The following MYL1 variants were observed in gnomAD, a reference collection of about 807,000 sequenced individuals.
MYL1 encodes myosin light chain 1.
MYL1 carries 16 observed loss-of-function variants against 21.8 expected under a neutral mutation model. The ratio of observed to expected loss-of-function variants is 0.74; its 90% CI spans 0.50 to 1.12. MYL1 has a LOEUF of 1.12. Ranked by LOEUF, MYL1 falls within the 50% of genes most tolerant of loss-of-function variation. The pLI is 0.00. For synonymous variants in MYL1, 99 were observed against 85.2 expected, an observed-to-expected ratio of 1.16 and a Z score of -0.89; for missense variants, 246 against 241.0, an observed-to-expected ratio of 1.02 and a Z score of -0.14.
At chr2:210,301,517 CTAATA>C (rs997062958) in intron 2 of MYL1, among the ~76,000 whole-genome samples, 4 of 151,910 alleles carry the variant, frequency 2.6e-5, no homozygotes, top group Non-Finnish European at 5.9e-5. Context: ...ATTTTCATAT[CTAATA>C]TATGTAATAT....
chr2:210,296,407 T>C (rs930452099), intron 3 of MYL1, among the ~76,000 whole-genome samples: 6 of 152,208 alleles, frequency 3.9e-5, no homozygotes, highest in Non-Finnish European at 7.3e-5. Flanking sequence ...TAATTTTGTA[T>C]TCATTTACTG....
chr2:210,314,563 G>A (rs1690461195), intron 1 of MYL1, among the ~76,000 whole-genome samples: 1 of 152,174 alleles, frequency 6.6e-6, no homozygotes, highest in African/African-American at 2.4e-5. Context: ...CTGGTTTCCA[G>A]AGAGATTTTA....
intron 3 of MYL1, 98 bp downstream of exon 3, chr2:210,298,322 T>C (rs1256130815): frequency 1.1e-5 from 14 of 1,279,438 alleles, no homozygotes; most frequent in East Asian, 8.1e-5. Flanking sequence ...ACACACATAC[T>C]ACACACACAC....
At chr2:210,300,064 T>C (rs973864047) in intron 2 of MYL1, among the ~76,000 whole-genome samples, 1 of 152,140 alleles carries the variant, frequency 6.6e-6, no homozygotes, top group Non-Finnish European at 1.5e-5. Context: ...AAAAACTTGC[T>C]GCAGGCACTG....
At chr2:210,304,390 C>T (rs1194249646) in intron 1 of MYL1, among the ~76,000 whole-genome samples, 2 of 151,946 alleles carry the variant, frequency 1.3e-5, no homozygotes, top group African/African-American at 2.4e-5. Flanking sequence ...TACTCTCATC[C>T]TATACATTTT....
chr2:210,306,263 C>G (rs113834063), intron 1 of MYL1, among the ~76,000 whole-genome samples: 364 of 151,632 alleles, frequency 2.4e-3, no homozygotes, highest in African/African-American at 8.5e-3. Flanking sequence ...CGCCCATAGT[C>G]GCAGCTACTC....
intron 3 of MYL1, among the ~76,000 whole-genome samples, chr2:210,295,491 CA>C (rs1402220137): frequency 6.6e-6 from 1 of 151,424 alleles, no homozygotes; most frequent in Non-Finnish European, 1.5e-5. Context: ...AAAACAAAAC[CA>C]AAAAAGGCCA....
intron 1 of MYL1, among the ~76,000 whole-genome samples, chr2:210,310,415 A>C (rs1014376357): frequency 6.6e-6 from 1 of 152,072 alleles, no homozygotes; most frequent in African/African-American, 2.4e-5. Context: ...TTGTAAACAA[A>C]ATAGAGATCT....
At chr2:210,308,145 TTCAA>T (rs976595224) in intron 1 of MYL1, among the ~76,000 whole-genome samples, 1 of 151,858 alleles carries the variant, frequency 6.6e-6, no homozygotes, top group Non-Finnish European at 1.5e-5. Flanking sequence ...AGGGCCAGTT[TTCAA>T]TCAAAGAAAA....
At chr2:210,311,150 G>A (rs558319500) in intron 1 of MYL1, among the ~76,000 whole-genome samples, 18 of 152,018 alleles carry the variant, frequency 1.2e-4, no homozygotes, top group Non-Finnish European at 8.8e-5. Flanking sequence ...AGAGCCTTTC[G>A]TGGAGCATGA....
intron 1 of MYL1, chr2:210,302,784 A>C: frequency 6.4e-7 from 1 of 1,564,536 alleles, no homozygotes; most frequent in Non-Finnish European, 8.7e-7. Flanking sequence ...TCTGGTCAGC[A>C]CTGAAGGACT....
chr2:210,315,126 G>A lies in MYL1; in HGVS notation c.-84C>T, dbSNP rs1690476781. ...AAATGATTCTTGGAAGAGGAGTGGT[G>A]GTTGGGTTGATCCACAGCCCAGTGT... is the stretch of plus-strand genomic sequence containing the variant. On this transcript the variant is annotated 5_prime_UTR_variant, in exon 1 of 7. Coordinates refer to ENST00000352451, the MANE Select transcript of MYL1 (RefSeq NM_079420.3). The A allele has an allele frequency of 1.3e-6, 2 of 1,537,504 alleles. No homozygotes were observed. The highest frequency in any genetic ancestry group is 2.1e-5 in the Admixed American group (1 of 48,116).
chr2:210,315,148 G>A lies in MYL1; in HGVS notation c.-106C>T. The stretch of plus-strand genomic sequence containing the variant: ...GGTGGTTGGGTTGATCCACAGCCCA[G>A]TGTCTTGAAGATGGACCCAGAGTGT... On this transcript the variant is annotated 5_prime_UTR_variant, in exon 1 of 7. Transcript: ENST00000352451. The A allele has an allele frequency of 7.4e-7, 1 of 1,345,030 alleles. No individual in the cohort carries two copies. The highest frequency in any genetic ancestry group is 1.3e-5 in the South Asian group (1 of 78,966). The allele number at this position is 1,345,030 out of a possible 1,614,324, so 83.3% of individuals were successfully genotyped here.
chr2:210,305,223 G>A (rs1230988054), intron 1 of MYL1, among the ~76,000 whole-genome samples: 2 of 152,130 alleles, frequency 1.3e-5, no homozygotes. Context: ...AAGTTTATAA[G>A]TAGGAAAAAA....
At chr2:210,310,596 C>A (rs1690404726) in intron 1 of MYL1, among the ~76,000 whole-genome samples, 1 of 151,966 alleles carries the variant, frequency 6.6e-6, no homozygotes, top group Non-Finnish European at 1.5e-5. Flanking sequence ...GAAGACGGAA[C>A]AAAATGGGCA....
chr2:210,295,888 CA>C (rs1226961942), intron 3 of MYL1, among the ~76,000 whole-genome samples: 1 of 151,252 alleles, frequency 6.6e-6, no homozygotes, highest in Non-Finnish European at 1.5e-5. Context: ...ATTGCTTGCT[CA>C]CTTTATCTCA....
Position 210,291,068 on chromosome 2 carries a change from A to G in MYL1, c.563T>C (p.Val188Ala). The G allele has an allele frequency of 6.2e-7, 1 of 1,610,336 alleles. No individual in the cohort carries two copies. The highest frequency in any genetic ancestry group is 8.5e-7 in the Non-Finnish European group (1 of 1,176,978). Reference protein sequence around the residue: ...SNGCINYEAFVKHIMSI With the variant: ...SNGCINYEAFAKHIMSI ...CATTCAGATAGACATGATGTGCTTGACAAAAGCTGTAGGAGCAAAATAGAC... is the reference window on the plus strand; with the variant it reads ...CATTCAGATAGACATGATGTGCTTGGCAAAAGCTGTAGGAGCAAAATAGAC... Residue 188 changes from valine to alanine, a missense_variant, in exon 6 of 7, where the codon GTC becomes GCC. Physicochemically the swap from Val to Ala is moderately conservative, Grantham distance 64. Transcript: ENST00000352451.
rs1052180601 is a variant in MYL1 at position 210,290,327 on chromosome 2, G to C, written c.*155C>G. On this transcript the variant is annotated 3_prime_UTR_variant, in exon 7 of 7. Transcript: ENST00000352451. ...TTCAATTCAGAGAAAAACTGAAGAT[G>C]TATAAAAATTCAGGGAGTTGCTCAG... is the stretch of plus-strand genomic sequence containing the variant. 6.6e-6 allele frequency: 1 copy of C among 152,138 alleles called. No homozygotes were observed. Among genetic ancestry groups the C allele is most frequent in the Non-Finnish European group, 1.5e-5 (1 of 68,016 alleles). The allele number at this position is 152,138 out of a possible 1,614,324, so 9.4% of individuals were successfully genotyped here.
intron 2 of MYL1, among the ~76,000 whole-genome samples, chr2:210,300,846 C>A (rs1170684740): frequency 1.3e-5 from 2 of 152,164 alleles, no homozygotes; most frequent in East Asian, 3.9e-4. Context: ...TCCAATAGAG[C>A]AGCCATGAAC....
Sources: gnomAD v4.1 joint callset for allele counts (sites outside exome capture counted in the v4.1 genomes callset) on GRCh38, gnomAD v4.1.1 for gene constraint, MANE v1.5 for transcripts, NCBI Gene and HGNC (gene_info 2026-07-23, HGNC 2026-07-21) for gene names.